Variants in SH2B1 observed in about 807,000 individuals in gnomAD.
The protein encoded by SH2B1 is SH2B adaptor protein 1.
Under a neutral mutation model 62.6 loss-of-function variants are expected in SH2B1, and 15 were observed. That is an observed-to-expected ratio of 0.24 (90% confidence interval 0.16 to 0.37). The LOEUF is 0.37. Among genes scored for constraint, SH2B1 ranks in the 10% least tolerant of loss-of-function variants. The probability of loss-of-function intolerance (pLI) is 1.00; values close to 1 mark genes in which losing one functional copy is unlikely to be tolerated. For missense variants in SH2B1, 925 were observed against 1,015.6 expected, an observed-to-expected ratio of 0.91 and a Z score of 1.21; for synonymous variants, 443 against 438.0, an observed-to-expected ratio of 1.01 and a Z score of -0.14.
At chr16:28,851,341 G>A (rs1314069129) in intron 1 of SH2B1, among the ~76,000 whole-genome samples, 1 of 151,780 alleles carries the variant, frequency 6.6e-6, no homozygotes, top group Non-Finnish European at 1.5e-5. Context: ...GTGACCCCAC[G>A]TTTTACTATG....
At chr16:28,870,679 T>A (rs1962978821) in intron 4 of SH2B1, among the ~76,000 whole-genome samples, 1 of 151,898 alleles carries the variant, frequency 6.6e-6, no homozygotes, top group Non-Finnish European at 1.5e-5. Context: ...TTTTAAAAAA[T>A]TATTGTTTGT....
rs566388458 is a variant in SH2B1 at position 28,869,100 on chromosome 16, G to A, written c.1133+3G>A. On this transcript the variant is annotated splice_donor_region_variant and intron_variant, in intron 3 of 7. Coordinates refer to ENST00000684370, the MANE Select transcript of SH2B1 (RefSeq NM_001387430.1). The stretch of plus-strand genomic sequence containing the variant: ...ATCCAAGAATGCCTGAGCCCAGGGT[G>A]AGAAGCCTGACTTCTGTCGCTAAGG... 1.2e-6 allele frequency: 2 copies of A among 1,614,088 alleles called. No homozygotes were observed. The highest frequency in any genetic ancestry group is 2.2e-5 in the South Asian group (2 of 91,082).
chr16:28,869,031 T>C lies in SH2B1; in HGVS notation c.1067T>C (p.Met356Thr), dbSNP rs762317037. 1.2e-6 allele frequency: 2 copies of C among 1,614,102 alleles called. No homozygotes were observed. The highest frequency in any genetic ancestry group is 1.3e-5 in the African/African-American group (1 of 75,040). Residue 356 changes from methionine (M) to threonine (T), a missense_variant, in exon 3 of 8, where the codon ATG becomes ACG. Coordinates refer to ENST00000684370, the MANE Select transcript of SH2B1 (RefSeq NM_001387430.1). Reference protein sequence around the residue: ...VKVEGPSEYIMETVDAQHVKA... With the variant: ...VKVEGPSEYITETVDAQHVKA... The stretch of plus-strand genomic sequence containing the variant: ...GTGGAAGGTCCATCCGAGTATATCA[T>C]GGAGACAGTGGATGCCCAGCATGTG...
intron 4 of SH2B1, among the ~76,000 whole-genome samples, chr16:28,869,659 G>A (rs1039887358): frequency 2.0e-5 from 3 of 152,106 alleles, no homozygotes; most frequent in Admixed American, 1.3e-4. Context: ...GCCAGCCACC[G>A]CTCTGGCTGG....
chr16:28,869,255 C>T lies in SH2B1; in HGVS notation c.1181C>T (p.Pro394Leu). The T allele has an allele frequency of 4.3e-6, 7 of 1,614,188 alleles. No individual in the cohort carries two copies. The highest frequency in any genetic ancestry group is 5.9e-6 in the Non-Finnish European group (7 of 1,180,014). Reference protein sequence around the residue: ...SPRPMTLPLAPGTSFLTRENT... With the variant: ...SPRPMTLPLALGTSFLTRENT... ...CGCCCCATGACCCTCCCTCTGGCCCCTGGGACCTCATTCCTTACAAGGGAG... is the reference window on the plus strand; with the variant it reads ...CGCCCCATGACCCTCCCTCTGGCCCTTGGGACCTCATTCCTTACAAGGGAG... Residue 394 changes from proline to leucine, a missense_variant, in exon 4 of 8, where the codon CCT (proline) becomes CTT (leucine). Pro to Leu is a moderately conservative substitution (Grantham distance 98). Coordinates refer to ENST00000684370, the MANE Select transcript of SH2B1 (RefSeq NM_001387430.1).
At chr16:28,869,881 A>C (rs8055982) in intron 4 of SH2B1, among the ~76,000 whole-genome samples, 51,923 of 152,126 alleles carry the variant, frequency 0.34, 9,531 homozygotes, top group Admixed American at 0.41. Flanking sequence ...TTCGGCCTCC[A>C]CTATAGCCTT....
At chr16:28,863,694 C>T, upstream of SH2B1, 1 of 1,535,816 alleles carries the variant, frequency 6.5e-7, no homozygotes, top group South Asian at 1.2e-5. Flanking sequence ...CACTGAAGCC[C>T]TACGAGATTC....
In SH2B1 at chr16:28,855,206, A is replaced by G. The variant is rs370383495; in HGVS notation, c.-300-6412A>G. 4.3e-3 allele frequency among the ~76,000 whole-genome samples: 651 copies of G among 149,696 alleles called. 45 individuals carry two copies. The South Asian group carries it at 0.13, about 30-fold the overall frequency. On this transcript the variant is annotated intron_variant, in intron 1 of 10. Coordinates refer to the SH2B1 transcript ENST00000322610. ...CTGGCCCCCCACTTTCGTTTTGCAA[A>G]CATTCCATGATTGTTTCTTTTTTTA...
chr16:28,873,304 T>C lies in SH2B1; in HGVS notation c.1898-143T>C. On this transcript the variant is annotated intron_variant, in intron 7 of 7. Transcript: ENST00000684370. The surrounding 1 kb of genome is among the most constrained non-coding windows in gnomAD (Gnocchi z 4.2). ...GTCCTCCTCTCACCACCGCCCATGA[T>C]CCATCTTCCATGGATGGGGGGTTGC... 6.3e-7 allele frequency: 1 copy of C among 1,595,916 alleles called. No individual in the cohort carries two copies.
rs1172719300 is a variant in SH2B1, at chr16:28,852,759, TATATATATATTTA to T, written c.-301+5933_-301+5945del. ...ACATATATATATTTACATATATATG[TATATATATATTTA>T]TATATATATTTACATATATATTTAC... On this transcript the variant is annotated intron_variant, in intron 1 of 10. Transcript: ENST00000322610. Among the ~76,000 whole-genome samples, 240 of 18,752 alleles carry T rather than the reference TATATATATATTTA, an allele frequency of 0.013. 31 individuals are homozygous for T. In the East Asian group the frequency reaches 0.28, roughly 22 times the overall value. 12.3% of individuals were successfully genotyped at this position (18,752 alleles called of 152,430 possible).
Position 28,866,366 on chromosome 16 carries a change from T to C in SH2B1, c.272T>C (p.Ile91Thr). Residue 91 changes from isoleucine (I) to threonine (T), a missense_variant, in exon 1 of 8, where the codon ATC (isoleucine) becomes ACC (threonine). Ile to Thr is a moderately conservative substitution (Grantham distance 89, BLOSUM62 -1). Around this residue, in one of 3 missense-constraint regions of SH2B1, gnomAD observed 683 missense variants for 704.0 expected, o/e 0.97. Coordinates refer to ENST00000684370, the MANE Select transcript of SH2B1 (RefSeq NM_001387430.1). This position sits in a 1 kb window ranked among gnomAD's most constrained non-coding sequence, Gnocchi z 6.3. The stretch of plus-strand genomic sequence containing the variant: ...GCCTCTGGCTCCCTGTCGCCACCCA[T>C]CCTGGCTCCCCTGAGCCCTGGTGCG... The part of the protein sequence containing the change: ...ARASGSLSPP[I>T]LAPLSPGAEI... The C allele has an allele frequency of 1.9e-6, 3 of 1,613,390 alleles. No individual in the cohort carries two copies. The highest frequency in any genetic ancestry group is 2.5e-6 in the Non-Finnish European group (3 of 1,179,958).
chr16:28,870,432 C>T (rs1297587517), intron 4 of SH2B1, among the ~76,000 whole-genome samples: 2 of 151,968 alleles, frequency 1.3e-5, no homozygotes, highest in Non-Finnish European at 2.9e-5. Flanking sequence ...TGCCTGGGGA[C>T]GTGAAGGGCA....
Position 28,865,360 on chromosome 16 carries a change from C to T in SH2B1, c.-735C>T, listed in dbSNP as rs1962625374. 3 of 985,716 alleles carry T rather than the reference C, an allele frequency of 3.0e-6. No individual in the cohort carries two copies. Among genetic ancestry groups the T allele is most frequent in the Non-Finnish European group, 3.6e-6 (3 of 830,052 alleles). 61.1% of individuals were successfully genotyped at this position (985,716 alleles called of 1,614,324 possible). A position where few individuals can be genotyped will look rare whatever the true frequency, so the allele number is the denominator to read the frequency against. ...ACAATTACTGTTTTGGTCCATCATG[C>T]ATCCATCCTCATTAATGAATCGGCC... On this transcript the variant is annotated 5_prime_UTR_variant, in exon 1 of 8. Coordinates refer to ENST00000684370, the MANE Select transcript of SH2B1 (RefSeq NM_001387430.1).
At position 28,864,518 on chromosome 16, in the gene SH2B1, G is replaced by A. The variant is rs1473722248; in HGVS notation, c.-1577G>A. 1 of 985,662 alleles carries A rather than the reference G, an allele frequency of 1.0e-6. No homozygotes were observed. The highest frequency in any genetic ancestry group is 1.1e-4 in the East Asian group (1 of 8,946). 61.1% of individuals were successfully genotyped at this position (985,662 alleles called of 1,614,324 possible). On this transcript the variant is annotated 5_prime_UTR_variant, in exon 1 of 8. An upstream open reading frame in the 5' UTR gains an earlier in-frame stop. Coordinates refer to ENST00000684370, the MANE Select transcript of SH2B1 (RefSeq NM_001387430.1). ...TTGGTTTGGAGTTGTCCCTGCGGTTGGAGCCATCTGAGCTTGTAGGGTCGA... is the reference window on the plus strand; with the variant it reads ...TTGGTTTGGAGTTGTCCCTGCGGTTAGAGCCATCTGAGCTTGTAGGGTCGA...
chr16:28,850,794 G>C (rs1962078425), intron 1 of SH2B1, among the ~76,000 whole-genome samples: 1 of 151,060 alleles, frequency 6.6e-6, no homozygotes, highest in African/African-American at 2.4e-5. Flanking sequence ...AGGAGGCAGA[G>C]GTTGCAGTGA....
chr16:28,849,913 ACT>A (rs1962059285), intron 1 of SH2B1, among the ~76,000 whole-genome samples: 2 of 151,078 alleles, frequency 1.3e-5, no homozygotes, highest in South Asian at 4.2e-4. Flanking sequence ...ACAGAGCGAG[ACT>A]CTGTCTCAAA....
rs1567458676 is a variant in SH2B1, at chr16:28,852,491, TACATATATTTATATATATAC to T, written c.-301+5711_-301+5730del. The stretch of plus-strand genomic sequence containing the variant: ...ATATACATATATATTTATATATACA[TACATATATTTATATATATAC>T]ACATATATTTATATATATACACATA... On this transcript the variant is annotated intron_variant, in intron 1 of 10. Transcript: ENST00000322610. 3.6e-3 allele frequency among the ~76,000 whole-genome samples: 81 copies of T among 22,266 alleles called. 22 individuals are homozygous for T. The highest frequency in any genetic ancestry group is 4.8e-3 in the Non-Finnish European group (69 of 14,290). 14.6% of individuals were successfully genotyped at this position (22,266 alleles called of 152,430 possible). A position where few individuals can be genotyped will look rare whatever the true frequency, so the allele number is the denominator to read the frequency against.
At chr16:28,852,849 T>TA (rs1335133314) in intron 1 of SH2B1, among the ~76,000 whole-genome samples, 57 of 43,392 alleles carry the variant, frequency 1.3e-3, no homozygotes, top group African/African-American at 4.5e-3. Flanking sequence ...TACATATATA[T>TA]ATTTTTATAT....
rs774121810 is a variant in SH2B1 at position 28,869,263 on chromosome 16, T to A, written c.1189T>A (p.Ser397Thr). 1 of 1,614,066 alleles carries A rather than the reference T, an allele frequency of 6.2e-7. No homozygotes were observed. Among genetic ancestry groups the A allele is most frequent in the South Asian group, 1.1e-5 (1 of 91,078 alleles). Residue 397 changes from serine (S) to threonine (T), a missense_variant, in exon 4 of 8, where the codon TCA (serine) becomes ACA (threonine). This residue lies in a region of SH2B1 where 683 missense variants were observed against 704.0 expected (regional missense o/e 0.97). Coordinates refer to ENST00000684370, the MANE Select transcript of SH2B1 (RefSeq NM_001387430.1). ...GACCCTCCCTCTGGCCCCTGGGACC[T>A]CATTCCTTACAAGGGAGAACACAGA... ...PMTLPLAPGT[S>T]FLTRENTDSL...
Sources: allele counts gnomAD v4.1 joint callset (sites outside exome capture counted in the v4.1 genomes callset), GRCh38; gene constraint gnomAD v4.1.1; regional missense constraint gnomAD v4.1.1; non-coding constraint Gnocchi (gnomAD v3.1); transcripts MANE v1.5; gene names NCBI Gene and HGNC (gene_info 2026-07-23, HGNC 2026-07-21).